WDPCP: variants seen among roughly 807,000 people sequenced by gnomAD.
The protein encoded by WDPCP is WD repeat containing planar cell polarity effector, also known as WD repeat-containing and planar cell polarity effector protein fritz homolog.
Under a neutral mutation model 93.1 loss-of-function variants are expected in WDPCP, and 71 were observed. That is an observed-to-expected ratio of 0.76 (90% confidence interval 0.63 to 0.93). WDPCP has a LOEUF of 0.93. WDPCP is among the 40% of genes least tolerant of loss of function. The pLI is 0.00. For missense variants in WDPCP, 844 were observed against 887.4 expected, an observed-to-expected ratio of 0.95 and a Z score of 0.62; for synonymous variants, 315 against 315.0, an observed-to-expected ratio of 1.00 and a Z score of 0.00.
chr2:63,587,913 C>A (rs1040824821), intron 1 of WDPCP, among the ~76,000 whole-genome samples: 1 of 152,242 alleles, frequency 6.6e-6, no homozygotes, highest in Non-Finnish European at 1.5e-5. Context: ...TATACTGTGA[C>A]CTCCTGGAAG....
Position 63,308,401 on chromosome 2 carries a change from C to A in WDPCP, c.1812+4847G>T, listed in dbSNP as rs148010826. Among the ~76,000 whole-genome samples the A allele has an allele frequency of 6.6e-5, 10 of 152,184 alleles. No homozygotes were observed. The East Asian group carries it at 1.9e-3, about 29-fold the overall frequency. Reference sequence around the variant, plus strand: ...AGCAATCCCATTACTGGGTATATACCCAAAGGATTATAAATCATTCTACTA... The same window carrying A: ...AGCAATCCCATTACTGGGTATATACACAAAGGATTATAAATCATTCTACTA... On this transcript the variant is annotated intron_variant, in intron 13 of 17. Coordinates refer to ENST00000272321, the MANE Select transcript of WDPCP (RefSeq NM_015910.7).
At chr2:63,657,816 C>T (rs1710186156) in intron 2 of WDPCP, among the ~76,000 whole-genome samples, 1 of 152,150 alleles carries the variant, frequency 6.6e-6, no homozygotes, top group South Asian at 2.1e-4. Flanking sequence ...CCCATCCTTA[C>T]AGTAGAGTCC....
At chr2:63,439,032 G>A (rs1697328094) in intron 7 of WDPCP, among the ~76,000 whole-genome samples, 1 of 152,066 alleles carries the variant, frequency 6.6e-6, no homozygotes, top group South Asian at 2.1e-4. Context: ...TATGACTCTG[G>A]ACATGTTCCT....
chr2:63,279,647 AT>A (rs1683366770), intron 13 of WDPCP, among the ~76,000 whole-genome samples: 1 of 152,204 alleles, frequency 6.6e-6, no homozygotes, highest in Non-Finnish European at 1.5e-5. Context: ...GGGCATCCAA[AT>A]TGGTAAAGAG....
At chr2:63,431,522 T>C (rs1183485308) in intron 9 of WDPCP, among the ~76,000 whole-genome samples, 1 of 151,134 alleles carries the variant, frequency 6.6e-6, no homozygotes, top group Admixed American at 6.6e-5. Flanking sequence ...TTTATTCTGA[T>C]GATTAGTCCA....
At chr2:63,745,044 G>A (rs1010499820) in intron 2 of WDPCP, among the ~76,000 whole-genome samples, 1 of 151,922 alleles carries the variant, frequency 6.6e-6, no homozygotes, top group Non-Finnish European at 1.5e-5. Flanking sequence ...TAAACAATAT[G>A]TGAATTTATG....
intron 2 of WDPCP, among the ~76,000 whole-genome samples, chr2:63,810,509 A>T (rs890148974): frequency 1.3e-5 from 2 of 152,220 alleles, no homozygotes; most frequent in African/African-American, 4.8e-5. Flanking sequence ...ACAGAAAGGG[A>T]GACAGATGAC....
rs369536318 is a variant in WDPCP, at chr2:63,287,216, T to C, written c.1812+26032A>G. Reference sequence around the variant, plus strand: ...CCTTCAAAGGTTCTATCTCCAAATATAGTCACATTGAAGGTCAGGGCTTCA... The same window carrying C: ...CCTTCAAAGGTTCTATCTCCAAATACAGTCACATTGAAGGTCAGGGCTTCA... On this transcript the variant is annotated intron_variant, in intron 13 of 17. Transcript: ENST00000272321. Among the ~76,000 whole-genome samples, 23 of 152,232 alleles carry C rather than the reference T, an allele frequency of 1.5e-4. No homozygotes were observed. The East Asian group carries it at 2.9e-3, about 19-fold the overall frequency.
At chr2:63,148,861 AACACACACAC>A (rs60091903) in intron 17 of WDPCP, among the ~76,000 whole-genome samples, 12 of 149,230 alleles carry the variant, frequency 8.0e-5, no homozygotes, top group South Asian at 2.1e-4. Flanking sequence ...CACAGGAGCC[AACACACACAC>A]ACACACACAC....
At chr2:63,367,985 A>G (rs760266736) in intron 12 of WDPCP, among the ~76,000 whole-genome samples, 4 of 152,216 alleles carry the variant, frequency 2.6e-5, no homozygotes, top group East Asian at 3.8e-4. Context: ...AGGAAAGCTA[A>G]TATTTGTTAC....
At chr2:63,492,994 T>C (rs1700990903) in intron 1 of WDPCP, 54 bp from the exon 2 acceptor site, 3 of 1,434,698 alleles carry the variant, frequency 2.1e-6, no homozygotes, top group Non-Finnish European at 2.9e-6. Context: ...CTATTGCCAA[T>C]AAAACCAAGA....
chr2:63,776,830 T>C (rs576480787), intron 2 of WDPCP, among the ~76,000 whole-genome samples: 13 of 152,030 alleles, frequency 8.6e-5, no homozygotes, highest in Admixed American at 4.6e-4. Flanking sequence ...CTGAAGAACA[T>C]TATGTTAAGT....
At chr2:63,552,288 T>G in intron 1 of WDPCP, among the ~76,000 whole-genome samples, 1 of 151,558 alleles carries the variant, frequency 6.6e-6, no homozygotes, top group Non-Finnish European at 1.5e-5. Context: ...TTATGTTGTT[T>G]ATTCCAGTTA....
At chr2:63,712,057 T>C (rs1481906493) in intron 2 of WDPCP, among the ~76,000 whole-genome samples, 1 of 152,190 alleles carries the variant, frequency 6.6e-6, no homozygotes, top group East Asian at 1.9e-4. Context: ...ACAAGGTTGA[T>C]GTGATGCTCT....
chr2:63,751,916 C>T, intron 2 of WDPCP: 1 of 683,750 alleles, frequency 1.5e-6, no homozygotes, highest in Non-Finnish European at 2.7e-6. Context: ...CCATTATAGC[C>T]ATCCCCACTG....
At chr2:63,358,105 A>G (rs371063667) in intron 12 of WDPCP, among the ~76,000 whole-genome samples, 30 of 152,266 alleles carry the variant, frequency 2.0e-4, no homozygotes, top group Middle Eastern at 6.8e-3. Context: ...GGGAGGAAGG[A>G]GAGGAGTAGA....
At chr2:63,592,673 T>C (rs1416623199), upstream of WDPCP, among the ~76,000 whole-genome samples, 1 of 152,204 alleles carries the variant, frequency 6.6e-6, no homozygotes, top group Non-Finnish European at 1.5e-5. Context: ...ATAAATAAAA[T>C]ATCTTAAAAA....
intron 2 of WDPCP, among the ~76,000 whole-genome samples, chr2:63,674,664 AC>A (rs1430557335): frequency 6.6e-6 from 1 of 151,526 alleles, no homozygotes; most frequent in Non-Finnish European, 1.5e-5. Flanking sequence ...TATTCTATGT[AC>A]CCTTAGGAAC....
intron 17 of WDPCP, among the ~76,000 whole-genome samples, chr2:63,141,647 G>T (rs1384489712): frequency 6.6e-6 from 1 of 152,144 alleles, no homozygotes; most frequent in Non-Finnish European, 1.5e-5. Flanking sequence ...ATGAATTACA[G>T]AGGGTTCCTT....
Sources: allele counts gnomAD v4.1 joint callset (sites outside exome capture counted in the v4.1 genomes callset), GRCh38; gene constraint gnomAD v4.1.1; transcripts MANE v1.5; gene names NCBI Gene and HGNC (gene_info 2026-07-23, HGNC 2026-07-21).